The following SPON1 variants were observed in gnomAD, a reference collection of about 807,000 sequenced individuals.
SPON1 encodes spondin 1, also known as spondin-1.
In SPON1, 52 loss-of-function variants were observed where a neutral mutation model predicts 111.7. That is an observed-to-expected ratio of 0.47 (90% confidence interval 0.37 to 0.59). The LOEUF (loss-of-function observed/expected upper bound fraction) is 0.59, where lower values mean the gene tolerates loss of function less well. SPON1 is among the 20% of genes least tolerant of loss of function. SPON1 has a pLI of 0.00. For missense variants in SPON1, 957 were observed against 1,068.5 expected (o/e 0.90, Z 1.46); for synonymous variants, 410 against 395.8 (o/e 1.04, Z -0.43).
chr11:14,248,189 A>G (rs555653782), intron 7 of SPON1, among the ~76,000 whole-genome samples: 1 of 152,288 alleles, frequency 6.6e-6, no homozygotes, highest in East Asian at 1.9e-4. Flanking sequence ...GAAGGTCATC[A>G]GTGACCTTAC....
At chr11:13,996,775 CTATA>C (rs1218145606) in intron 2 of SPON1, among the ~76,000 whole-genome samples, 2 of 151,886 alleles carry the variant, frequency 1.3e-5, no homozygotes, top group African/African-American at 2.4e-5. Context: ...GAACCATTCT[CTATA>C]TAGGGTTTTA....
chr11:14,028,922 T>A (rs1483567915), intron 2 of SPON1, among the ~76,000 whole-genome samples: 3 of 152,186 alleles, frequency 2.0e-5, no homozygotes, highest in African/African-American at 7.2e-5. Context: ...ACATTTCACC[T>A]GGTTTGAAGG....
At chr11:14,238,053 G>A (rs190378260) in intron 6 of SPON1, among the ~76,000 whole-genome samples, 20 of 152,328 alleles carry the variant, frequency 1.3e-4, no homozygotes, top group Admixed American at 7.8e-4. Context: ...GGATTAAAAC[G>A]TATATATCCA....
intron 5 of SPON1, among the ~76,000 whole-genome samples, chr11:14,106,867 C>A (rs1389413704): frequency 2.6e-5 from 4 of 152,082 alleles, no homozygotes; most frequent in African/African-American, 7.2e-5. Flanking sequence ...CATCTTGGAA[C>A]CTTCCTGAGT....
At chr11:14,123,573 G>T (rs889027593) in intron 5 of SPON1, among the ~76,000 whole-genome samples, 3 of 152,116 alleles carry the variant, frequency 2.0e-5, no homozygotes, top group African/African-American at 7.2e-5. Context: ...CTCCCCAGGG[G>T]CTGTTCTCTG....
At chr11:14,039,768 C>A (rs1398581235) in intron 2 of SPON1, among the ~76,000 whole-genome samples, 2 of 152,050 alleles carry the variant, frequency 1.3e-5, no homozygotes, top group African/African-American at 4.8e-5. Flanking sequence ...ATGAAGAATT[C>A]CAAAGGTAAG....
intron 6 of SPON1, among the ~76,000 whole-genome samples, chr11:14,174,718 A>C (rs561468265): frequency 6.6e-6 from 1 of 152,236 alleles, no homozygotes; most frequent in Non-Finnish European, 1.5e-5. Flanking sequence ...AGAAGAAAAA[A>C]CCTTTTTCCA....
At chr11:14,011,233 T>C (rs557195007) in intron 2 of SPON1, among the ~76,000 whole-genome samples, 15 of 152,166 alleles carry the variant, frequency 9.9e-5, no homozygotes, top group Non-Finnish European at 1.9e-4. Flanking sequence ...AAACCATGTT[T>C]CTACATGAGT....
At chr11:14,053,345 C>T (rs554271287) in intron 3 of SPON1, among the ~76,000 whole-genome samples, 7 of 152,264 alleles carry the variant, frequency 4.6e-5, no homozygotes, top group Admixed American at 2.6e-4. Flanking sequence ...ATCTACATTC[C>T]GGCTCTATGG....
At chr11:14,168,866 G>GTA (rs1488622781) in intron 6 of SPON1, among the ~76,000 whole-genome samples, 1 of 152,178 alleles carries the variant, frequency 6.6e-6, no homozygotes, top group African/African-American at 2.4e-5. Flanking sequence ...ATTCCATGGT[G>GTA]TATATATGCC....
chr11:14,263,053 T>TTA, intron 15 of SPON1, 78 bp downstream of exon 15: 2 of 952,312 alleles, frequency 2.1e-6, no homozygotes, highest in Non-Finnish European at 2.9e-6. Flanking sequence ...TGGACCTGTT[T>TTA]AAAAAAAAAA....
rs782761331 is a variant in SPON1, at chr11:14,041,667, G to A, written c.479+13G>A. 6.2e-7 allele frequency: 1 copy of A among 1,613,264 alleles called. No individual in the cohort carries two copies. The highest frequency in any genetic ancestry group is 1.7e-5 in the Admixed American group (1 of 59,874). On this transcript the variant is annotated intron_variant, in intron 3 of 15. Coordinates refer to ENST00000576479, the MANE Select transcript of SPON1 (RefSeq NM_006108.4). ...GCGTGATTCTGAAGTAAGTAAACATGGAATCCTTCCCTGCAGTTTATCAAA... is the reference window on the plus strand; with the variant it reads ...GCGTGATTCTGAAGTAAGTAAACATAGAATCCTTCCCTGCAGTTTATCAAA...
At chr11:14,023,514 G>C (rs1192897625) in intron 2 of SPON1, among the ~76,000 whole-genome samples, 1 of 152,190 alleles carries the variant, frequency 6.6e-6, no homozygotes, top group Non-Finnish European at 1.5e-5. Context: ...ACAAAGTGAT[G>C]TTTTTCTCTG....
intron 6 of SPON1, among the ~76,000 whole-genome samples, chr11:14,159,293 T>C (rs1202202883): frequency 2.0e-5 from 3 of 152,122 alleles, no homozygotes; most frequent in Non-Finnish European, 2.9e-5. Flanking sequence ...CTCAACATCA[T>C]GATCATCAGA....
At chr11:14,072,711 G>A (rs1848886556) in intron 3 of SPON1, among the ~76,000 whole-genome samples, 1 of 152,162 alleles carries the variant, frequency 6.6e-6, no homozygotes, top group African/African-American at 2.4e-5. Context: ...ATTTTTAAAT[G>A]TTTTTAGCAA....
chr11:14,265,564 C>T lies in SPON1; in HGVS notation c.2301C>T (p.Thr767=). 1 of 1,613,642 alleles carries T rather than the reference C, an allele frequency of 6.2e-7. No homozygotes were observed. Among genetic ancestry groups the T allele is most frequent in the Non-Finnish European group, 8.5e-7 (1 of 1,179,774 alleles). The part of the protein sequence containing the change: ...MRPWTAWSEC[T]KLCGGGIQER... ...CATGGACGGCCTGGTCAGAATGCAC[C>T]AAACTGTGCGGAGGTGGAATTCAGG... The change falls in exon 16 of 16, where the codon ACC becomes ACT. Residue 767 remains threonine, a synonymous_variant. Transcript: ENST00000576479.
chr11:14,103,647 C>T (rs1554924619), intron 5 of SPON1, among the ~76,000 whole-genome samples: 1 of 152,148 alleles, frequency 6.6e-6, no homozygotes, highest in Admixed American at 6.5e-5. Context: ...TCTGTGCTTC[C>T]CTCTGCTTCT....
At chr11:14,064,112 G>A (rs1378468209) in intron 3 of SPON1, among the ~76,000 whole-genome samples, 3 of 152,182 alleles carry the variant, frequency 2.0e-5, no homozygotes, top group Non-Finnish European at 4.4e-5. Context: ...CAGCACACCT[G>A]CAATGTTTCC....
Position 14,115,767 on chromosome 11 carries a change from ATTTGCCTTTC to A in SPON1, c.677-19651_677-19642del. On this transcript the variant is annotated intron_variant, in intron 5 of 15. Transcript: ENST00000576479. Reference sequence around the variant, plus strand: ...TGTATATGTCTTTTGATAAATATACATTTGCCTTTCTGTTGGTTAGATACTAGATGTGGAA... The same window carrying A: ...TGTATATGTCTTTTGATAAATATACATGTTGGTTAGATACTAGATGTGGAA... Among the ~76,000 whole-genome samples the A allele has an allele frequency of 2.0e-5, 3 of 152,118 alleles. No homozygotes were observed. In the South Asian group the frequency reaches 6.2e-4, roughly 32 times the overall value.
Sources: allele counts gnomAD v4.1 joint callset (sites outside exome capture counted in the v4.1 genomes callset), GRCh38; gene constraint gnomAD v4.1.1; transcripts MANE v1.5; gene names NCBI Gene and HGNC (gene_info 2026-07-23, HGNC 2026-07-21).